Variants in HERC2 observed in about 807,000 individuals in gnomAD.
HERC2 encodes E3 ubiquitin-protein ligase HERC2.
In HERC2, 102 loss-of-function variants were observed where a neutral mutation model predicts 537.7. The ratio of observed to expected loss-of-function variants is 0.19; its 90% CI spans 0.16 to 0.22. HERC2 has a LOEUF of 0.22. HERC2 is among the 10% of genes least tolerant of loss of function. HERC2 has a pLI of 1.00. For missense variants in HERC2, 4,236 were observed against 6,198.2 expected (o/e 0.68, Z 10.63); for synonymous variants, 2,224 against 2,466.2 (o/e 0.90, Z 2.91).
At chr15:28,286,698 C>T (rs1212121911) in intron 4 of HERC2, among the ~76,000 whole-genome samples, 5 of 152,162 alleles carry the variant, frequency 3.3e-5, no homozygotes, top group Non-Finnish European at 5.9e-5. Context: ...CCTATTTACA[C>T]GGCAGAGAGA....
chr15:28,168,682 G>C (rs1168937626), intron 66 of HERC2, 92 bp from the exon 67 acceptor site: 1 of 1,168,326 alleles, frequency 8.6e-7, no homozygotes, highest in African/African-American at 1.6e-5. Flanking sequence ...GCACTGAGGC[G>C]TTTCCTCATT....
At chr15:28,257,329 AC>A in intron 16 of HERC2, 68 bp from the exon 17 acceptor site, 1 of 1,380,476 alleles carries the variant, frequency 7.2e-7, no homozygotes, top group Admixed American at 1.9e-5. Flanking sequence ...CACAGGAGTC[AC>A]CAGCGTGTGT....
chr15:28,176,667 G>C lies in HERC2; in HGVS notation c.9514+20C>G. On this transcript the variant is annotated intron_variant, in intron 62 of 92. Transcript: ENST00000261609. The surrounding 1 kb of genome is among the most constrained non-coding windows in gnomAD (Gnocchi z 5.0). ...TCATTCCTACCCACCCAGAAGCACA[G>C]AATCCTGCCAGCCACTCACCTTCAT... 6.2e-7 allele frequency: 1 copy of C among 1,613,910 alleles called. No homozygotes were observed. Among genetic ancestry groups the C allele is most frequent in the Non-Finnish European group, 8.5e-7 (1 of 1,179,900 alleles).
chr15:28,287,552 C>T (rs1438485429), intron 4 of HERC2, among the ~76,000 whole-genome samples: 2 of 152,108 alleles, frequency 1.3e-5, no homozygotes, highest in East Asian at 1.9e-4. Flanking sequence ...AAAGGCAAAA[C>T]AACAGATTTT....
chr15:28,292,085 C>T (rs1362265224), intron 4 of HERC2, among the ~76,000 whole-genome samples: 3 of 151,262 alleles, frequency 2.0e-5, no homozygotes, highest in Non-Finnish European at 4.4e-5. Flanking sequence ...AAAAATTAGC[C>T]AGGCATGGTG....
chr15:28,120,340 C>A (rs531152634), intron 86 of HERC2, among the ~76,000 whole-genome samples: 36 of 152,236 alleles, frequency 2.4e-4, no homozygotes, highest in African/African-American at 8.2e-4. Context: ...ACTCTGAAAA[C>A]ATTTCTAGTC....
chr15:28,295,320 A>AGGGGGGGGGGGG (rs1328300325), intron 3 of HERC2, among the ~76,000 whole-genome samples: 1 of 4,470 alleles, frequency 2.2e-4, no homozygotes, highest in Non-Finnish European at 4.8e-4. Context: ...GGGGGGGGGG[A>AGGGGGGGGGGGG]GTGGGGGGGA....
rs145724005 is a variant in HERC2, at chr15:28,245,751, T to C, written c.3577+130A>G. On this transcript the variant is annotated intron_variant, in intron 23 of 92. Coordinates refer to ENST00000261609, the MANE Select transcript of HERC2 (RefSeq NM_004667.6). ...TTCTGATTTGGATTATCTCCATTTT[T>C]TACTTATACTACCATCAGTAGAAAT... 9.7e-6 allele frequency: 8 copies of C among 827,878 alleles called. No individual in the cohort carries two copies. The East Asian group carries it at 2.1e-4, about 21-fold the overall frequency. 51.3% of individuals were successfully genotyped at this position (827,878 alleles called of 1,614,324 possible).
At position 28,214,279 on chromosome 15, in the gene HERC2, A is replaced by G. The variant is rs1334873208; in HGVS notation, c.6359-7T>C. On this transcript the variant is annotated splice_region_variant and splice_polypyrimidine_tract_variant and intron_variant, in intron 40 of 92. Coordinates refer to ENST00000261609, the MANE Select transcript of HERC2 (RefSeq NM_004667.6). ...CGCCGCCTCAGCGTGGACTCTGAGG[A>G]GGAAACCAGGGGAGAAGCTGCTGCA... 1 of 1,609,016 alleles carries G rather than the reference A, an allele frequency of 6.2e-7. No individual in the cohort carries two copies. Among genetic ancestry groups the G allele is most frequent in the Non-Finnish European group, 8.5e-7 (1 of 1,177,338 alleles).
In HERC2 at chr15:28,233,474, A is replaced by T. The variant is rs1230029776; in HGVS notation, c.4439T>A (p.Val1480Asp). Residue 1480 changes from valine (V) to aspartate (D), a missense_variant, in exon 29 of 93, where the codon GTT (valine) becomes GAT (aspartate). By Grantham distance (152) the Val-to-Asp change is radical (BLOSUM62 -3). This residue lies in a region of HERC2 where 94 missense variants were observed against 174.9 expected (regional missense o/e 0.54). Coordinates refer to ENST00000261609, the MANE Select transcript of HERC2 (RefSeq NM_004667.6). ...TTTTGCTTGGTAGACAACTCTACAAACATCCACCACTGACTTAGGCAACGT... is the reference window on the plus strand; with the variant it reads ...TTTTGCTTGGTAGACAACTCTACAATCATCCACCACTGACTTAGGCAACGT... ...HRTLPKSVVD[V>D]CRVVYQAKCS... 1 of 1,446,386 alleles carries T rather than the reference A, an allele frequency of 6.9e-7. No individual in the cohort carries two copies. The highest frequency in any genetic ancestry group is 2.3e-5 in the East Asian group (1 of 44,032). The allele number at this position is 1,446,386 out of a possible 1,614,324, so 89.6% of individuals were successfully genotyped here.
Position 28,163,290 on chromosome 15 carries a change from G to A in HERC2, c.10555-5C>T. The stretch of plus-strand genomic sequence containing the variant: ...TTTATTTTGGCTTTCAACATCCTAA[G>A]TCAAATGACATCCAACAATTAACAT... On this transcript the variant is annotated splice_polypyrimidine_tract_variant and splice_region_variant and intron_variant, in intron 68 of 92. Transcript: ENST00000261609. 2 of 1,610,090 alleles carry A rather than the reference G, an allele frequency of 1.2e-6. No homozygotes were observed. The highest frequency in any genetic ancestry group is 2.2e-5 in the East Asian group (1 of 44,858).
intron 45 of HERC2, chr15:28,204,036 G>A (rs1182388246): frequency 6.6e-6 from 1 of 152,104 alleles, no homozygotes; most frequent in African/African-American, 2.4e-5. Context: ...TAGAAAGCCT[G>A]GCACCAAGCC....
At chr15:28,269,541 A>T in intron 10 of HERC2, 105 bp from the exon 11 acceptor site, 2 of 876,042 alleles carry the variant, frequency 2.3e-6, no homozygotes, top group Non-Finnish European at 1.8e-6. Flanking sequence ...AAATAAAGAG[A>T]AAATATGCTG....
At chr15:28,155,700 C>A (rs1424580825) in intron 69 of HERC2, among the ~76,000 whole-genome samples, 2 of 151,974 alleles carry the variant, frequency 1.3e-5, no homozygotes, top group Admixed American at 1.3e-4. Flanking sequence ...AATTTTCTCC[C>A]ATTCTGTAGG....
chr15:28,316,794 T>C (rs1430005756), intron 2 of HERC2, among the ~76,000 whole-genome samples: 1 of 152,234 alleles, frequency 6.6e-6, no homozygotes, highest in Non-Finnish European at 1.5e-5. Context: ...TTTATTTTTT[T>C]TGAGACGGAT....
chr15:28,173,437 T>C (rs948398251), intron 65 of HERC2, among the ~76,000 whole-genome samples: 2 of 152,160 alleles, frequency 1.3e-5, no homozygotes, highest in African/African-American at 4.8e-5. Flanking sequence ...TCAAAATTAT[T>C]ATGCTGAGTG....
Position 28,177,653 on chromosome 15 carries a change from C to T in HERC2, c.9164-144G>A, listed in dbSNP as rs927065451. The stretch of plus-strand genomic sequence containing the variant: ...ATGAGTAACTCAACAGGATCAACAG[C>T]GGAGTTAGCAGGAAAGCTTCCTGGG... On this transcript the variant is annotated intron_variant, in intron 59 of 92. Coordinates refer to ENST00000261609, the MANE Select transcript of HERC2 (RefSeq NM_004667.6). This position sits in a 1 kb window ranked among gnomAD's most constrained non-coding sequence, Gnocchi z 5.0. 1.9e-5 allele frequency: 13 copies of T among 677,164 alleles called. No individual in the cohort carries two copies. Among genetic ancestry groups the T allele is most frequent in the Admixed American group, 1.3e-4 (5 of 38,206 alleles). 41.9% of individuals were successfully genotyped at this position (677,164 alleles called of 1,614,324 possible).
At chr15:28,280,034 T>C (rs771032334) in intron 5 of HERC2, 34 bp downstream of exon 5, 2 of 1,499,042 alleles carry the variant, frequency 1.3e-6, no homozygotes, top group Non-Finnish European at 1.8e-6. Flanking sequence ...TATATTTAAC[T>C]GGCATCAGGA....
intron 69 of HERC2, among the ~76,000 whole-genome samples, chr15:28,158,493 G>T (rs1330892853): frequency 6.6e-6 from 1 of 152,078 alleles, no homozygotes; most frequent in Admixed American, 6.6e-5. Context: ...TTATGTAATG[G>T]CCTTCTTTGT....
Sources: allele counts gnomAD v4.1 joint callset (sites outside exome capture counted in the v4.1 genomes callset), GRCh38; gene constraint gnomAD v4.1.1; regional missense constraint gnomAD v4.1.1; non-coding constraint Gnocchi (gnomAD v3.1); transcripts MANE v1.5; gene names NCBI Gene and HGNC (gene_info 2026-07-23, HGNC 2026-07-21).